The following SASH1 variants were observed in gnomAD, a reference collection of about 807,000 sequenced individuals.
SASH1 encodes SAM and SH3 domain containing 1.
In SASH1, 44 loss-of-function variants were observed where a neutral mutation model predicts 125.2. The observed-to-expected ratio is 0.35, with a 90% CI of 0.28 to 0.45. The LOEUF (loss-of-function observed/expected upper bound fraction) is 0.45. SASH1 is among the 20% of genes least tolerant of loss of function. The probability of loss-of-function intolerance (pLI) is 1.00; values close to 1 mark genes in which losing one functional copy is unlikely to be tolerated. For synonymous variants in SASH1, 639 were observed against 649.1 expected (o/e 0.98, Z 0.24); for missense variants, 1,426 against 1,614.5 (o/e 0.88, Z 2.00).
At chr6:148,215,929 T>C in the SASH1 span, among the ~76,000 whole-genome samples, 74,714 of 151,784 alleles carry the variant, frequency 0.49, 19,287 homozygotes, top group African/African-American at 0.64. Flanking sequence ...GCGATCTTGG[T>C]TCACTGCAAC....
At chr6:148,436,178 G>T (rs1776283267) in intron 2 of SASH1, among the ~76,000 whole-genome samples, 1 of 152,170 alleles carries the variant, frequency 6.6e-6, no homozygotes, top group South Asian at 2.1e-4. Flanking sequence ...AACCCTGGGA[G>T]GGCTTGTGAC....
intron 1 of SASH1, among the ~76,000 whole-genome samples, chr6:148,381,617 C>CTTTCTTTTT (rs1783136833): frequency 1.3e-5 from 1 of 77,896 alleles, no homozygotes; most frequent in Non-Finnish European, 2.4e-5. Context: ...TTCTTGCTTT[C>CTTTCTTTTT]TTTTTTTTTT....
upstream of SASH1, among the ~76,000 whole-genome samples, chr6:148,272,107 T>C (rs1037882402): frequency 1.3e-5 from 2 of 152,150 alleles, no homozygotes; most frequent in Admixed American, 6.5e-5. Flanking sequence ...GTCATAGTTA[T>C]TGTGTTATAT....
intron 1 of SASH1, chr6:148,379,979 T>TATCTCACACAA (rs1783068664): frequency 4.4e-6 from 2 of 456,306 alleles, no homozygotes; most frequent in African/African-American, 4.0e-5. Flanking sequence ...ATGCGGAACG[T>TATCTCACACAA]AGGTGCCACA....
At chr6:148,445,720 G>A (rs956897836) in intron 4 of SASH1, among the ~76,000 whole-genome samples, 12 of 152,188 alleles carry the variant, frequency 7.9e-5, no homozygotes, top group Non-Finnish European at 1.3e-4. Flanking sequence ...AGAGAGGGAA[G>A]AAGGCAGTAG....
At chr6:148,393,639 A>T in intron 2 of SASH1, 1 of 892,694 alleles carries the variant, frequency 1.1e-6, no homozygotes, top group Non-Finnish European at 1.3e-6. Context: ...TATTTAGATA[A>T]TAAAACCTCC....
chr6:148,434,252 A>AT (rs1443079661), intron 2 of SASH1, among the ~76,000 whole-genome samples: 15 of 151,396 alleles, frequency 9.9e-5, no homozygotes, highest in Non-Finnish European at 2.2e-4. Context: ...AATTTTTTGT[A>AT]TTTTAGTAGA....
chr6:148,432,497 G>T (rs1776105657), intron 2 of SASH1, among the ~76,000 whole-genome samples: 1 of 152,228 alleles, frequency 6.6e-6, no homozygotes, highest in Admixed American at 6.5e-5. Flanking sequence ...TCCATTAATT[G>T]CATGCATCAG....
At chr6:148,328,318 G>A (rs1338732970) in intron 1 of SASH1, among the ~76,000 whole-genome samples, 1 of 152,126 alleles carries the variant, frequency 6.6e-6, no homozygotes, top group African/African-American at 2.4e-5. Context: ...AAATAGTGAG[G>A]CCGGGCGCGG....
intron 2 of SASH1, among the ~76,000 whole-genome samples, chr6:148,430,458 A>G (rs555119030): frequency 2.2e-4 from 33 of 152,168 alleles, no homozygotes; most frequent in East Asian, 1.5e-3. Context: ...TGGCCTCCCA[A>G]GTAGCTGGGA....
At chr6:148,233,481 A>G in the SASH1 span, among the ~76,000 whole-genome samples, 1 of 152,130 alleles carries the variant, frequency 6.6e-6, no homozygotes, top group South Asian at 2.1e-4. Flanking sequence ...TATATTGTGT[A>G]TGTACTATGT....
intron 1 of SASH1, among the ~76,000 whole-genome samples, chr6:148,291,700 C>T (rs1033394267): frequency 6.6e-6 from 1 of 151,802 alleles, no homozygotes; most frequent in African/African-American, 2.4e-5. Flanking sequence ...ACAACAACAA[C>T]AAACAGTGTA....
At chr6:148,201,433 G>A in the SASH1 span, among the ~76,000 whole-genome samples, 1 of 152,158 alleles carries the variant, frequency 6.6e-6, no homozygotes, top group Admixed American at 6.5e-5. Context: ...TCTCCTGGAA[G>A]GCCGATTAAA....
At chr6:148,392,916 T>A (rs1783787899) in intron 2 of SASH1, among the ~76,000 whole-genome samples, 1 of 152,186 alleles carries the variant, frequency 6.6e-6, no homozygotes, top group African/African-American at 2.4e-5. Context: ...ACTCCCACAC[T>A]CTTAAAATTC....
intron 1 of SASH1, among the ~76,000 whole-genome samples, chr6:148,349,252 CTTTTTTTTTTTTTTT>C (rs11317386): frequency 1.1e-3 from 50 of 47,048 alleles, no homozygotes; most frequent in East Asian, 8.7e-4. Context: ...TTCTTTCTTT[CTTTTTTTTTTTTTTT>C]TTTTTTTTTT....
the SASH1 span, among the ~76,000 whole-genome samples, chr6:148,267,058 C>A: frequency 6.6e-6 from 1 of 152,148 alleles, no homozygotes; most frequent in Non-Finnish European, 1.5e-5. Flanking sequence ...AACTACTTCA[C>A]CTCTCTGAAG....
chr6:148,256,225 A>G, the SASH1 span, among the ~76,000 whole-genome samples: 1 of 152,198 alleles, frequency 6.6e-6, no homozygotes, highest in Admixed American at 6.5e-5. Flanking sequence ...AAATAGCAAG[A>G]CCTTAATCAT....
At position 148,307,094 on chromosome 6, in the gene SASH1, T is replaced by TTCTC. The variant is rs764505514; in HGVS notation, n.74+34725_74+34728dup. 2.7e-4 allele frequency among the ~76,000 whole-genome samples: 33 copies of TTCTC among 120,758 alleles called. 1 individual carries two copies. The highest frequency in any genetic ancestry group is 8.9e-4 in the African/African-American group (28 of 31,620). 79.2% of individuals were successfully genotyped at this position (120,758 alleles called of 152,430 possible). On this transcript the variant is annotated intron_variant and non_coding_transcript_variant, in intron 1 of 3. Coordinates refer to the SASH1 transcript ENST00000367469. ...TTTCTTTCTTTCTTTCTTTCTTTCT[T>TTCTC]TCTCTCTCTCTGTCTCTTTCTTTCT...
At chr6:148,323,992 C>T (rs892513134) in intron 1 of SASH1, among the ~76,000 whole-genome samples, 5 of 151,576 alleles carry the variant, frequency 3.3e-5, no homozygotes, top group East Asian at 1.9e-4. Context: ...GGGCGGAACA[C>T]GCCTGTAGTC....
Sources: gnomAD v4.1 joint callset for allele counts (sites outside exome capture counted in the v4.1 genomes callset) on GRCh38, gnomAD v4.1.1 for gene constraint, MANE v1.5 for transcripts, NCBI Gene and HGNC (gene_info 2026-07-23, HGNC 2026-07-21) for gene names.